Variants in CAMK2D observed in about 807,000 individuals in gnomAD.
The protein encoded by CAMK2D is calcium/calmodulin-dependent protein kinase type II subunit delta.
Under a neutral mutation model 84.0 loss-of-function variants are expected in CAMK2D, and 37 were observed. That is an observed-to-expected ratio of 0.44 (90% CI 0.34 to 0.58). The LOEUF (loss-of-function observed/expected upper bound fraction) is 0.58, where lower values mean the gene tolerates loss of function less well. Ranked by LOEUF, CAMK2D falls within the 20% of genes least tolerant of loss-of-function variation. The pLI, the probability that CAMK2D is intolerant of heterozygous loss-of-function variation, is 0.02. For synonymous variants in CAMK2D, 202 were observed against 212.5 expected, an observed-to-expected ratio of 0.95 and a Z score of 0.43; for missense variants, 448 against 652.5, an observed-to-expected ratio of 0.69 and a Z score of 3.41.
intron 8 of CAMK2D, among the ~76,000 whole-genome samples, chr4:113,518,741 C>G (rs2154171372): frequency 6.6e-6 from 1 of 152,256 alleles, no homozygotes; most frequent in Non-Finnish European, 1.5e-5. Context: ...CCAAGGTGGT[C>G]TCTTGGTCTC....
At chr4:113,716,231 G>A (rs376770464) in intron 2 of CAMK2D, among the ~76,000 whole-genome samples, 2 of 152,086 alleles carry the variant, frequency 1.3e-5, no homozygotes, top group African/African-American at 4.8e-5. Context: ...TGTGTTGGCT[G>A]TCATGACAGT....
intron 4 of CAMK2D, among the ~76,000 whole-genome samples, chr4:113,560,287 T>C (rs906742857): frequency 6.6e-6 from 1 of 152,174 alleles, no homozygotes. Context: ...AACTTTGTCA[T>C]TAAGCAGTGT....
chr4:113,678,417 C>T (rs1488505471), intron 2 of CAMK2D, among the ~76,000 whole-genome samples: 2 of 151,952 alleles, frequency 1.3e-5, no homozygotes, highest in Non-Finnish European at 2.9e-5. Flanking sequence ...GTGGGCTAAA[C>T]TAAGACCTTT....
chr4:113,462,280 G>GTC (rs2097389325), intron 17 of CAMK2D, among the ~76,000 whole-genome samples: 3 of 87,864 alleles, frequency 3.4e-5, no homozygotes, highest in Non-Finnish European at 5.0e-5. Context: ...GTGTGTGTGT[G>GTC]TGTGTGTGTG....
chr4:113,500,468 A>T lies in CAMK2D; in HGVS notation c.1130T>A (p.Val377Glu). 1 of 1,589,740 alleles carries T rather than the reference A, an allele frequency of 6.3e-7. No individual in the cohort carries two copies. The highest frequency in any genetic ancestry group is 8.6e-7 in the Non-Finnish European group (1 of 1,160,892). Reference sequence around the variant, plus strand: ...CATTTCTGGTTAAATCATACCTTTCACATCTTCATCCTCAATTGTTGTATT... The same window carrying T: ...CATTTCTGGTTAAATCATACCTTTCTCATCTTCATCCTCAATTGTTGTATT... Reference protein sequence around the residue: ...SSNTTIEDEDVKARKQEIIKV... With the variant: ...SSNTTIEDEDEKARKQEIIKV... Residue 377 changes from valine (V) to glutamate (E), a missense_variant, in exon 16 of 21, where the codon GTG becomes GAG. This residue lies in a region of CAMK2D where 219 missense variants were observed against 272.1 expected (regional missense o/e 0.80). Transcript: ENST00000511664.
chr4:113,559,817 C>A (rs1453900808), intron 4 of CAMK2D, among the ~76,000 whole-genome samples: 1 of 134,448 alleles, frequency 7.4e-6, no homozygotes, highest in Non-Finnish European at 1.7e-5. Flanking sequence ...AGGAAAGCTA[C>A]TGTAGATAAT....
rs182992936 is a variant in CAMK2D, at chr4:113,653,623, T to G, written c.220+8090A>C. ...CTTTTAATTGTCATTCATAAAACTA[T>G]TAACTTTGTTTTCTCAGTAGATCAA... is the stretch of plus-strand genomic sequence containing the variant. On this transcript the variant is annotated intron_variant, in intron 3 of 20. Coordinates refer to ENST00000511664, the MANE Select transcript of CAMK2D (RefSeq NM_001321571.2). 3.2e-4 allele frequency among the ~76,000 whole-genome samples: 48 copies of G among 152,178 alleles called. No homozygotes were observed. The East Asian group carries it at 8.5e-3, about 27-fold the overall frequency.
chr4:113,680,878 A>G (rs916482678), intron 2 of CAMK2D, among the ~76,000 whole-genome samples: 10 of 152,204 alleles, frequency 6.6e-5, no homozygotes, highest in Non-Finnish European at 1.3e-4. Context: ...CTGGGGCAGC[A>G]CTGGGAACTT....
intron 2 of CAMK2D, among the ~76,000 whole-genome samples, chr4:113,703,876 T>C (rs1254016750): frequency 6.6e-6 from 1 of 151,370 alleles, no homozygotes; most frequent in Admixed American, 6.6e-5. Context: ...TTTCTCAAAG[T>C]ATATTTTGAA....
intron 2 of CAMK2D, among the ~76,000 whole-genome samples, chr4:113,668,773 A>G (rs775309411): frequency 5.9e-5 from 9 of 152,292 alleles, no homozygotes; most frequent in Non-Finnish European, 1.0e-4. Flanking sequence ...TATGCTAAAC[A>G]TCTCAAAAAT....
chr4:113,548,782 T>G (rs2098602353), intron 5 of CAMK2D: 11 of 815,968 alleles, frequency 1.3e-5, no homozygotes, highest in Admixed American at 1.2e-4. Context: ...AGGCACATAA[T>G]CACATTGAAT....
At chr4:113,543,588 C>G (rs773421000) in intron 6 of CAMK2D, among the ~76,000 whole-genome samples, 7 of 151,982 alleles carry the variant, frequency 4.6e-5, no homozygotes, top group Admixed American at 3.3e-4. Flanking sequence ...AAGGTCTGTT[C>G]TTGTTTTGCT....
chr4:113,576,256 A>C (rs2098781564), intron 4 of CAMK2D, among the ~76,000 whole-genome samples: 1 of 152,182 alleles, frequency 6.6e-6, no homozygotes, highest in Non-Finnish European at 1.5e-5. Context: ...CTGAAAATCT[A>C]CATTCACAGA....
At chr4:113,583,901 A>C (rs2098822383) in intron 4 of CAMK2D, among the ~76,000 whole-genome samples, 1 of 152,202 alleles carries the variant, frequency 6.6e-6, no homozygotes, top group African/African-American at 2.4e-5. Flanking sequence ...CAGTGCAGAC[A>C]GATTGAAATG....
rs867967996 is a variant in CAMK2D, at chr4:113,642,803, C to T, written c.220+18910G>A. Among the ~76,000 whole-genome samples, 106 of 151,980 alleles carry T rather than the reference C, an allele frequency of 7.0e-4. 1 individual carries two copies. Among genetic ancestry groups the T allele is most frequent in the African/African-American group, 2.5e-3 (103 of 41,466 alleles). On this transcript the variant is annotated intron_variant, in intron 3 of 20. Transcript: ENST00000511664. Reference sequence around the variant, plus strand: ...CACCAACTGCCCACCAGGGCAAGGGCAAAGCCTTCATGATCCAAAGCCTCC... The same window carrying T: ...CACCAACTGCCCACCAGGGCAAGGGTAAAGCCTTCATGATCCAAAGCCTCC...
At chr4:113,640,486 A>T (rs1592335209) in intron 3 of CAMK2D, among the ~76,000 whole-genome samples, 1 of 152,194 alleles carries the variant, frequency 6.6e-6, no homozygotes, top group African/African-American at 2.4e-5. Context: ...CTCAATCCCC[A>T]TCCTCAGAGA....
chr4:113,661,086 C>T (rs565897732), intron 3 of CAMK2D, among the ~76,000 whole-genome samples: 29 of 152,292 alleles, frequency 1.9e-4, no homozygotes, highest in Admixed American at 1.6e-3. Context: ...TGAGCCACCG[C>T]GCCCGGCCTG....
chr4:113,704,677 C>CA (rs2099437091), intron 2 of CAMK2D, among the ~76,000 whole-genome samples: 1 of 152,050 alleles, frequency 6.6e-6, no homozygotes, highest in Admixed American at 6.6e-5. Flanking sequence ...TACAGATCCT[C>CA]AGGAAAATTC....
chr4:113,477,850 A>G (rs886156551), intron 16 of CAMK2D, among the ~76,000 whole-genome samples: 1 of 152,148 alleles, frequency 6.6e-6, no homozygotes, highest in Non-Finnish European at 1.5e-5. Flanking sequence ...TATGAGCCAT[A>G]TATTTCAGAA....
Sources: gnomAD v4.1 joint callset for allele counts (sites outside exome capture counted in the v4.1 genomes callset) on GRCh38, gnomAD v4.1.1 for gene constraint, gnomAD v4.1.1 regional missense constraint, MANE v1.5 for transcripts, NCBI Gene and HGNC (gene_info 2026-07-23, HGNC 2026-07-21) for gene names.